KIT: variants seen among roughly 807,000 people sequenced by gnomAD.
The protein encoded by KIT is KIT proto-oncogene, receptor tyrosine kinase.
A neutral mutation model predicts 105.7 loss-of-function variants in KIT; 16 were observed. That is an observed-to-expected ratio of 0.15 (90% CI 0.10 to 0.23). The LOEUF (loss-of-function observed/expected upper bound fraction) is 0.23. KIT is among the 10% of genes least tolerant of loss of function. The probability of loss-of-function intolerance (pLI) is 1.00; values close to 1 mark genes in which losing one functional copy is unlikely to be tolerated. For missense variants in KIT, 858 were observed against 1,213.8 expected (o/e 0.71, Z 4.36); for synonymous variants, 438 against 441.1 (o/e 0.99, Z 0.09).
In KIT at chr4:54,738,700, A is replaced by T. The variant is rs1723073171; in HGVS notation, c.*143A>T. On this transcript the variant is annotated 3_prime_UTR_variant, in exon 21 of 21. Transcript: ENST00000288135. Reference sequence around the variant, plus strand: ...AATCCTGTCTTTCTGAGCACACTTTAGTGGCCGATGATTTTTGTCATCAGC... The same window carrying T: ...AATCCTGTCTTTCTGAGCACACTTTTGTGGCCGATGATTTTTGTCATCAGC... The T allele has an allele frequency of 9.6e-7, 1 of 1,046,164 alleles. No individual in the cohort carries two copies. The highest frequency in any genetic ancestry group is 1.5e-6 in the Non-Finnish European group (1 of 680,336). 64.8% of individuals were successfully genotyped at this position (1,046,164 alleles called of 1,614,324 possible).
intron 7 of KIT, among the ~76,000 whole-genome samples, chr4:54,716,622 C>T (rs186640837): frequency 1.3e-5 from 2 of 152,254 alleles, no homozygotes; most frequent in Admixed American, 6.5e-5. Flanking sequence ...ATTTTGGCAT[C>T]TCAGTGTATG....
At chr4:54,660,824 T>C (rs1717206773) in intron 1 of KIT, among the ~76,000 whole-genome samples, 2 of 152,212 alleles carry the variant, frequency 1.3e-5, no homozygotes, top group South Asian at 4.1e-4. Flanking sequence ...CAGAATCTGT[T>C]GTAAGACTCA....
chr4:54,672,074 A>G (rs1718145605), intron 1 of KIT, among the ~76,000 whole-genome samples: 2 of 152,330 alleles, frequency 1.3e-5, no homozygotes, highest in South Asian at 4.1e-4. Flanking sequence ...ATAAAAATAT[A>G]AACAAATGTA....
intron 4 of KIT, among the ~76,000 whole-genome samples, chr4:54,701,784 G>T (rs1442538762): frequency 2.0e-5 from 3 of 152,180 alleles, no homozygotes; most frequent in Non-Finnish European, 4.4e-5. Context: ...CTCTGCCTTT[G>T]TGGAGAAGTC....
intron 1 of KIT, among the ~76,000 whole-genome samples, chr4:54,658,566 G>A (rs3822213): frequency 0.037 from 5,691 of 152,104 alleles, 319 homozygotes; most frequent in African/African-American, 0.13. Context: ...AAGTTAGAGA[G>A]CCCTTTCTCT....
At chr4:54,676,287 A>C (rs1238015858) in intron 1 of KIT, among the ~76,000 whole-genome samples, 1 of 152,116 alleles carries the variant, frequency 6.6e-6, no homozygotes, top group Non-Finnish European at 1.5e-5. Flanking sequence ...GGGCCCAGCC[A>C]TCTGTTTTAA....
At chr4:54,694,749 A>G (rs1433006549) in intron 1 of KIT, among the ~76,000 whole-genome samples, 1 of 152,158 alleles carries the variant, frequency 6.6e-6, no homozygotes, top group East Asian at 1.9e-4. Flanking sequence ...ACTTTTCCCC[A>G]GCATCTAGCA....
intron 1 of KIT, among the ~76,000 whole-genome samples, chr4:54,692,722 A>G (rs1719793811): frequency 6.6e-6 from 1 of 152,202 alleles, no homozygotes; most frequent in Non-Finnish European, 1.5e-5. Flanking sequence ...AATCCTGGCC[A>G]CTGCGTGCCC....
At chr4:54,718,491 A>T (rs1470750856) in intron 7 of KIT, among the ~76,000 whole-genome samples, 1 of 152,226 alleles carries the variant, frequency 6.6e-6, no homozygotes, top group African/African-American at 2.4e-5. Flanking sequence ...CTCAAATGTT[A>T]GTGTCCACAA....
At chr4:54,669,503 A>G (rs961772193) in intron 1 of KIT, among the ~76,000 whole-genome samples, 2 of 152,132 alleles carry the variant, frequency 1.3e-5, no homozygotes, top group African/African-American at 2.4e-5. Flanking sequence ...TTACAGCTTT[A>G]TTCTTCATTC....
At chr4:54,667,348 A>G (rs1265104816) in intron 1 of KIT, among the ~76,000 whole-genome samples, 4 of 152,154 alleles carry the variant, frequency 2.6e-5, no homozygotes, top group African/African-American at 9.7e-5. Flanking sequence ...TTTGAAATTG[A>G]TGAGTCTTAA....
chr4:54,678,582 A>G (rs1026117284), intron 1 of KIT, among the ~76,000 whole-genome samples: 1 of 152,082 alleles, frequency 6.6e-6, no homozygotes, highest in African/African-American at 2.4e-5. Flanking sequence ...TAGAGGTCAA[A>G]TGAGTTTTCC....
chr4:54,679,284 G>A (rs1718736717), intron 1 of KIT, among the ~76,000 whole-genome samples: 1 of 152,160 alleles, frequency 6.6e-6, no homozygotes, highest in Non-Finnish European at 1.5e-5. Flanking sequence ...CCAGAGAGGG[G>A]AGAAAGGAGA....
Position 54,707,280 on chromosome 4 carries a change from A to G in KIT, c.1108A>G (p.Asn370Asp). The part of the protein sequence containing the change: ...EDYPKSENES[N>D]IRYVSELHLT... ...TTATCCCAAGTCTGAGAATGAAAGT[A>G]ATATCAGGTAAGAAATGGACCTTGC... is the stretch of plus-strand genomic sequence containing the variant. The change falls in exon 6 of 21, where the codon AAT becomes GAT. Residue 370 changes from asparagine (N) to aspartate (D), a missense_variant. Physicochemically the swap from Asn to Asp is conservative, Grantham distance 23 (BLOSUM62 1). This residue lies in a region of KIT where 401 missense variants were observed against 601.0 expected (regional missense o/e 0.67). Transcript: ENST00000288135. The G allele has an allele frequency of 6.2e-7, 1 of 1,606,840 alleles. No homozygotes were observed. The highest frequency in any genetic ancestry group is 8.5e-7 in the Non-Finnish European group (1 of 1,173,412).
At chr4:54,699,791 C>A in intron 4 of KIT, 25 bp downstream of exon 4, 1 of 1,612,902 alleles carries the variant, frequency 6.2e-7, no homozygotes, top group South Asian at 1.1e-5. Context: ...TCATTCTTCT[C>A]ATGTTCTGTC....
rs577100260 is a variant in KIT, at chr4:54,660,949, C to T, written c.67+2868C>T. Among the ~76,000 whole-genome samples the T allele has an allele frequency of 3.3e-5, 5 of 152,208 alleles. No homozygotes were observed. In the East Asian group the frequency reaches 5.8e-4, roughly 18 times the overall value. On this transcript the variant is annotated intron_variant, in intron 1 of 20. Transcript: ENST00000288135. ...TTTTGGTGAAAAATATTTAGAATTG[C>T]GTGTCTTATGAAAGCGGATTATTTG...
Position 54,657,962 on chromosome 4 carries a change from T to A in KIT, c.-53T>A. On this transcript the variant is annotated 5_prime_UTR_variant, in exon 1 of 21. Transcript: ENST00000288135. ...TCGGCTTTGCCGCGCTCGCTGCACT[T>A]GGGCGAGAGCTGGAACGTGGACCAG... 1.1e-5 allele frequency: 18 copies of A among 1,585,354 alleles called. No individual in the cohort carries two copies. Among genetic ancestry groups the A allele is most frequent in the Non-Finnish European group, 1.6e-5 (18 of 1,156,642 alleles).
intron 1 of KIT, among the ~76,000 whole-genome samples, chr4:54,681,136 C>T (rs1299886283): frequency 6.6e-6 from 1 of 152,108 alleles, no homozygotes; most frequent in African/African-American, 2.4e-5. Flanking sequence ...CTCGCTACCC[C>T]GACCCCAAAC....
chr4:54,661,731 A>G (rs563609363), intron 1 of KIT, among the ~76,000 whole-genome samples: 2 of 152,364 alleles, frequency 1.3e-5, no homozygotes, highest in East Asian at 1.9e-4. Flanking sequence ...CCACAGCTAT[A>G]AGTCCGGATT....
Sources: gnomAD v4.1 joint callset for allele counts (sites outside exome capture counted in the v4.1 genomes callset) on GRCh38, gnomAD v4.1.1 for gene constraint, gnomAD v4.1.1 regional missense constraint, MANE v1.5 for transcripts, NCBI Gene and HGNC (gene_info 2026-07-23, HGNC 2026-07-21) for gene names.